SORCS2: variants seen among roughly 807,000 people sequenced by gnomAD.
SORCS2 encodes the protein sortilin related VPS10 domain containing receptor 2.
A neutral mutation model predicts 141.6 loss-of-function variants in SORCS2; 100 were observed. The observed-to-expected ratio is 0.71, with a 90% confidence interval of 0.60 to 0.83. The LOEUF (loss-of-function observed/expected upper bound fraction) is 0.83. Ranked by LOEUF, SORCS2 falls within the 40% of genes least tolerant of loss-of-function variation. SORCS2 has a pLI of 0.00. For missense variants in SORCS2, 1,646 were observed against 1,560.2 expected (o/e 1.05, Z -0.93); for synonymous variants, 789 against 676.9 (o/e 1.17, Z -2.57).
chr4:7,591,946 G>A (rs1243395162), intron 3 of SORCS2, among the ~76,000 whole-genome samples: 2 of 152,272 alleles, frequency 1.3e-5, no homozygotes, highest in East Asian at 3.9e-4. Context: ...AGGATTATAT[G>A]GGGCCATTTC....
intron 24 of SORCS2, among the ~76,000 whole-genome samples, 192 bp from the exon 25 acceptor site, chr4:7,734,080 T>C (rs890733163): frequency 8.1e-6 from 1 of 124,126 alleles, no homozygotes; most frequent in African/African-American, 3.1e-5. Flanking sequence ...GGGAATGGGC[T>C]GGGGAAGGGC....
At position 7,728,457 on chromosome 4, in the gene SORCS2, T is replaced by A. The variant is rs1727373213; in HGVS notation, c.2977T>A (p.Ser993Thr). ...DVGLVVTRLL[S>T]KETSVPQELL... ...GGGCCTGGTGGTCACCCGGCTGCTCTCCAAGGTGTCCACCCAGAGCCTAGA... is the reference window on the plus strand; with the variant it reads ...GGGCCTGGTGGTCACCCGGCTGCTCACCAAGGTGTCCACCCAGAGCCTAGA... Residue 993 changes from serine (S) to threonine (T), a missense_variant, in exon 22 of 27, where the codon TCC (serine) becomes ACC (threonine). Transcript: ENST00000507866. 1 of 1,609,832 alleles carries A rather than the reference T, an allele frequency of 6.2e-7. No individual in the cohort carries two copies. Among genetic ancestry groups the A allele is most frequent in the Non-Finnish European group, 8.5e-7 (1 of 1,178,056 alleles).
At chr4:7,684,976 G>A (rs188325601) in intron 10 of SORCS2, among the ~76,000 whole-genome samples, 20 of 152,316 alleles carry the variant, frequency 1.3e-4, no homozygotes, top group African/African-American at 3.1e-4. Flanking sequence ...GCTCTGACTC[G>A]TGAACACTCA....
intron 1 of SORCS2, among the ~76,000 whole-genome samples, chr4:7,387,580 CACAT>C (rs1197452398): frequency 3.3e-5 from 5 of 150,536 alleles, no homozygotes; most frequent in South Asian, 2.1e-4. Flanking sequence ...CACATGCACA[CACAT>C]ACAGGTACAC....
chr4:7,422,260 C>T (rs543007956), intron 2 of SORCS2, among the ~76,000 whole-genome samples: 50 of 152,272 alleles, frequency 3.3e-4, no homozygotes, highest in African/African-American at 1.2e-3. Context: ...TGTCTCAGAG[C>T]CCAGCTCAGC....
intron 1 of SORCS2, among the ~76,000 whole-genome samples, chr4:7,231,501 G>A (rs60844958): frequency 0.056 from 8,594 of 152,238 alleles, 500 homozygotes; most frequent in East Asian, 0.27. Flanking sequence ...TCACTCATCC[G>A]TTTGTCTGCA....
At chr4:7,236,958 G>T (rs958461968) in intron 1 of SORCS2, among the ~76,000 whole-genome samples, 7 of 152,214 alleles carry the variant, frequency 4.6e-5, no homozygotes, top group Non-Finnish European at 8.8e-5. Context: ...GGCCTTGGGG[G>T]AGTCCCAGGG....
intron 1 of SORCS2, among the ~76,000 whole-genome samples, chr4:7,260,383 C>G (rs1018890554): frequency 6.6e-6 from 1 of 151,896 alleles, no homozygotes; most frequent in Non-Finnish European, 1.5e-5. Flanking sequence ...CTCCTCCCAC[C>G]TCCCCCCTCC....
chr4:7,348,833 A>G (rs1720782750), intron 1 of SORCS2, among the ~76,000 whole-genome samples: 1 of 152,222 alleles, frequency 6.6e-6, no homozygotes, highest in Non-Finnish European at 1.5e-5. Context: ...GATTACAGGC[A>G]TGAGCCACTG....
In SORCS2 at chr4:7,396,307, A is replaced by G. The variant is rs1724209950; in HGVS notation, c.500A>G (p.Lys167Arg). ...ENSSVILILT[K>R]YYHADMGKVL... ...CCACAGGTGATCTTGATCCTGACGA[A>G]GTACTACCACGCAGACATGGGGAAG... is the stretch of plus-strand genomic sequence containing the variant. Residue 167 changes from lysine to arginine, a missense_variant, in exon 2 of 27, where the codon AAG becomes AGG. Physicochemically the swap from Lys to Arg is conservative, Grantham distance 26. Transcript: ENST00000507866. 1 of 1,613,788 alleles carries G rather than the reference A, an allele frequency of 6.2e-7. No individual in the cohort carries two copies.
At chr4:7,352,463 C>A (rs1343607411) in intron 1 of SORCS2, among the ~76,000 whole-genome samples, 1 of 152,192 alleles carries the variant, frequency 6.6e-6, no homozygotes, top group Non-Finnish European at 1.5e-5. Flanking sequence ...TGGAGCTTAC[C>A]CCTGCATCTT....
rs1212828101 is a variant in SORCS2, at chr4:7,636,197, TCTG to T, written c.649-2130_649-2128del. The stretch of plus-strand genomic sequence containing the variant: ...TGCAGTGTGTGGCTAAGAACAGGGC[TCTG>T]GAGTCAAATGCTTGGCTCCAAAGGG... On this transcript the variant is annotated intron_variant, in intron 3 of 26. Transcript: ENST00000507866. 1.4e-3 allele frequency among the ~76,000 whole-genome samples: 207 copies of T among 152,318 alleles called. 5 individuals are homozygous for T. The highest frequency in any genetic ancestry group is 3.4e-3 in the Middle Eastern group (1 of 294).
chr4:7,612,893 T>TGGGAGGGGAACAAGAAGAAGGGCTGG (rs1553892741), intron 3 of SORCS2, among the ~76,000 whole-genome samples: 2,409 of 147,458 alleles, frequency 0.016, 70 homozygotes, highest in African/African-American at 0.061. Context: ...TGGGAGGAGA[T>TGGGAGGGGAACAAGAAGAAGGGCTGG]GGGAGGGGAA....
chr4:7,328,380 T>C (rs3892224), intron 1 of SORCS2, among the ~76,000 whole-genome samples: 41,847 of 151,680 alleles, frequency 0.28, 6,054 homozygotes, highest in African/African-American at 0.35. Flanking sequence ...TCCTCAGGGC[T>C]CTTCTAGGAG....
chr4:7,646,302 G>T (rs987168631), intron 4 of SORCS2, among the ~76,000 whole-genome samples: 1 of 152,226 alleles, frequency 6.6e-6, no homozygotes, highest in African/African-American at 2.4e-5. Flanking sequence ...GACTTCAGGG[G>T]TGGGGGTGGA....
At chr4:7,490,978 C>T (rs988656096) in intron 2 of SORCS2, among the ~76,000 whole-genome samples, 3 of 152,184 alleles carry the variant, frequency 2.0e-5, no homozygotes, top group Non-Finnish European at 4.4e-5. Flanking sequence ...ACCAGCTGCC[C>T]AGCGGCTGGT....
intron 2 of SORCS2, among the ~76,000 whole-genome samples, chr4:7,462,724 G>A (rs1729385444): frequency 6.6e-6 from 1 of 151,596 alleles, no homozygotes; most frequent in South Asian, 2.2e-4. Flanking sequence ...GTGAATAAAG[G>A]AGGCCAGCTG....
chr4:7,434,433 G>T (rs1412181069), intron 2 of SORCS2: 2 of 1,609,428 alleles, frequency 1.2e-6, no homozygotes, highest in Admixed American at 3.4e-5. Context: ...GTGGCCTCAG[G>T]GTGGCCAGGT....
intron 2 of SORCS2, among the ~76,000 whole-genome samples, chr4:7,426,062 G>A (rs916453250): frequency 2.6e-5 from 4 of 152,222 alleles, no homozygotes; most frequent in African/African-American, 9.7e-5. Context: ...CGTGGGCAGT[G>A]TTGTGGTTTT....
Sources: gnomAD v4.1 joint callset for allele counts (sites outside exome capture counted in the v4.1 genomes callset) on GRCh38, gnomAD v4.1.1 for gene constraint, MANE v1.5 for transcripts, NCBI Gene and HGNC (gene_info 2026-07-23, HGNC 2026-07-21) for gene names.